Variants in ATP5F1A observed in about 807,000 individuals in gnomAD.
The protein encoded by ATP5F1A is ATP synthase F(1) complex subunit alpha, mitochondrial.
In ATP5F1A, 24 loss-of-function variants were observed where a neutral mutation model predicts 57.4. That is an observed-to-expected ratio of 0.42 (90% CI 0.30 to 0.59). The LOEUF is 0.59. Among genes scored for constraint, ATP5F1A ranks in the 20% least tolerant of loss-of-function variants. The probability of loss-of-function intolerance (pLI) is 0.19; values close to 1 mark genes in which losing one functional copy is unlikely to be tolerated. For missense variants in ATP5F1A, 494 were observed against 707.9 expected, an observed-to-expected ratio of 0.70 and a Z score of 3.43; for synonymous variants, 251 against 255.5, an observed-to-expected ratio of 0.98 and a Z score of 0.17.
intron 1 of ATP5F1A, among the ~76,000 whole-genome samples, chr18:46,095,959 G>T (rs1910917615): frequency 6.6e-6 from 1 of 151,846 alleles, no homozygotes; most frequent in African/African-American, 2.4e-5. Flanking sequence ...CACGATCTTG[G>T]CTCATTGCAA....
chr18:46,098,309 A>G (rs1185393172), upstream of ATP5F1A: 1 of 1,513,770 alleles, frequency 6.6e-7, no homozygotes, highest in African/African-American at 1.4e-5. Flanking sequence ...CGAGCCGCAA[A>G]GAAGGTCAAG....
At chr18:46,092,708 T>G (rs1910656729) in intron 2 of ATP5F1A, among the ~76,000 whole-genome samples, 1 of 151,490 alleles carries the variant, frequency 6.6e-6, no homozygotes, top group Admixed American at 6.6e-5. Context: ...GAAAAAAAAG[T>G]CCACACAAAA....
chr18:46,094,170 C>T (rs1910769766), intron 2 of ATP5F1A, among the ~76,000 whole-genome samples: 1 of 143,832 alleles, frequency 7.0e-6, no homozygotes, highest in Non-Finnish European at 1.5e-5. Flanking sequence ...CACATACACA[C>T]ACACACACAC....
At chr18:46,099,676 T>C (rs1599796850), upstream of ATP5F1A, among the ~76,000 whole-genome samples, 1 of 151,998 alleles carries the variant, frequency 6.6e-6, no homozygotes, top group African/African-American at 2.4e-5. Flanking sequence ...CCCAGGCTGG[T>C]CTCGAACTCC....
chr18:46,087,874 C>A, intron 6 of ATP5F1A: 1 of 510,610 alleles, frequency 2.0e-6, no homozygotes, highest in Non-Finnish European at 3.4e-6. Context: ...GAGTGAAACT[C>A]CGTCTCAAAC....
Position 46,084,350 on chromosome 18 carries a change from T to G in ATP5F1A, c.1594A>C (p.Ile532Leu). 6.2e-7 allele frequency: 1 copy of G among 1,613,362 alleles called. No homozygotes were observed. Among genetic ancestry groups the G allele is most frequent in the Non-Finnish European group, 8.5e-7 (1 of 1,179,848 alleles). ...AGCTTTGCATCTGATTGTTCTGAGA[T>G]CTTTCCATCAGCCCTATTTGGAAAT... ...LLGTIRADGK[I>L]SEQSDAKLKE... Residue 532 changes from isoleucine (I) to leucine (L), a missense_variant, in exon 12 of 12, where the codon ATC (isoleucine) becomes CTC (leucine). Around this residue, in one of 6 missense-constraint regions of ATP5F1A, gnomAD observed 127 missense variants for 195.2 expected, o/e 0.65. Transcript: ENST00000398752.
chr18:46,082,848 A>G lies in ATP5F1A; in HGVS notation c.*1434T>C, dbSNP rs1909840162. On this transcript the variant is annotated 3_prime_UTR_variant, in exon 12 of 12. Transcript: ENST00000398752. ...GGCAGACCACGAGGTCAGGAGCTCA[A>G]GAGCAGCATGGCCAACATGGTGAAA... 6.6e-6 allele frequency: 1 copy of G among 151,650 alleles called. No individual in the cohort carries two copies. Among genetic ancestry groups the G allele is most frequent in the African/African-American group, 2.4e-5 (1 of 41,248 alleles). 9.4% of individuals were successfully genotyped at this position (151,650 alleles called of 1,614,324 possible). A position where few individuals can be genotyped will look rare whatever the true frequency, so the allele number is the denominator to read the frequency against.
chr18:46,086,257 C>T lies in ATP5F1A; in HGVS notation c.1285G>A (p.Val429Ile), dbSNP rs890944390. 3 of 1,613,732 alleles carry T rather than the reference C, an allele frequency of 1.9e-6. No individual in the cohort carries two copies. The highest frequency in any genetic ancestry group is 2.5e-6 in the Non-Finnish European group (3 of 1,179,966). Residue 429 changes from valine to isoleucine, a missense_variant and splice_region_variant, in exon 10 of 12, where the codon GTA becomes ATA. Val to Ile is a conservative substitution (Grantham distance 29). This residue lies in a region of ATP5F1A where 127 missense variants were observed against 195.2 expected (regional missense o/e 0.65). Transcript: ENST00000398752. Reference protein sequence around the residue: ...SAAQTRAMKQVAGTMKLELAQ... With the variant: ...SAAQTRAMKQIAGTMKLELAQ... ...AATTCCAGCTTCATGGTACCTGCTA[C>T]CTGCAATACAGAAATTACTGTACTG... is the stretch of plus-strand genomic sequence containing the variant.
upstream of ATP5F1A, among the ~76,000 whole-genome samples, chr18:46,099,078 A>C (rs1418171621): frequency 2.0e-5 from 3 of 152,184 alleles, no homozygotes; most frequent in Non-Finnish European, 4.4e-5. Flanking sequence ...CGTCCTGGAC[A>C]TGTATTCCGG....
chr18:46,100,814 T>C (rs1160843056), upstream of ATP5F1A, among the ~76,000 whole-genome samples: 2 of 152,230 alleles, frequency 1.3e-5, no homozygotes, highest in African/African-American at 4.8e-5. Flanking sequence ...GGCTCACGCC[T>C]GTAATCCCAG....
chr18:46,087,038 T>C lies in ATP5F1A; in HGVS notation c.1146A>G (p.Pro382=), dbSNP rs775653500. ...TQAGDVSAYI[P]TNVISITDGQ... ...CGTCAGTGATGGAAATGACATTTGT[T>C]GGAATGTAAGCAGACACATCACCAG... The change falls in exon 8 of 12, where the codon CCA becomes CCG. Residue 382 remains proline (P), a synonymous_variant. Transcript: ENST00000398752. The C allele has an allele frequency of 3.9e-5, 63 of 1,613,868 alleles. No individual in the cohort carries two copies. Among genetic ancestry groups the C allele is most frequent in the Non-Finnish European group, 5.3e-5 (62 of 1,179,886 alleles).
At position 46,081,151 on chromosome 18, in the gene ATP5F1A, AAAT is replaced by A. The variant is rs1909719391; in HGVS notation, c.*3128_*3130del. 1 of 135,720 alleles carries A rather than the reference AAAT, an allele frequency of 7.4e-6. No homozygotes were observed. The highest frequency in any genetic ancestry group is 1.6e-5 in the Non-Finnish European group (1 of 61,548). The allele number at this position is 135,720 out of a possible 1,614,324, so 8.4% of individuals were successfully genotyped here. On this transcript the variant is annotated 3_prime_UTR_variant, in exon 12 of 12. Transcript: ENST00000398752. ...GTCTCAAAAAAAAAAAAAAAAAAAA[AAAT>A]CTCATCAGACCAGACCAGTAGTTAA...
chr18:46,095,307 T>G (rs1056940055), intron 1 of ATP5F1A, among the ~76,000 whole-genome samples, 176 bp from the exon 2 acceptor site: 5 of 152,164 alleles, frequency 3.3e-5, no homozygotes. Flanking sequence ...TGTGAAAACC[T>G]TTTATACAGC....
rs73953979 is a variant in ATP5F1A, at chr18:46,084,481, G to T, written c.1580+23C>A. 8.8e-4 allele frequency: 1,394 copies of T among 1,577,770 alleles called. 8 individuals carry two copies. In the African/African-American group the frequency reaches 0.017, roughly 19 times the overall value. On this transcript the variant is annotated intron_variant, in intron 11 of 11. Transcript: ENST00000398752. ...TATCTTAAACATAACTTTAAAAAAA[G>T]ATGCCAACAATTGCATTCATACCTG... is the stretch of plus-strand genomic sequence containing the variant.
Position 46,094,971 on chromosome 18 carries a change from AC to A in ATP5F1A, c.139+81del, listed in dbSNP as rs777561696. On this transcript the variant is annotated intron_variant, in intron 2 of 11. Coordinates refer to ENST00000398752, the MANE Select transcript of ATP5F1A (RefSeq NM_004046.6). ...TAGAGAAAAAACTAACAAATGAAAA[AC>A]AACTCACCACAGTTATACGATGTAT... The A allele has an allele frequency of 2.1e-6, 3 of 1,440,282 alleles. No homozygotes were observed. In the African/African-American group the frequency reaches 4.3e-5, roughly 21 times the overall value. 89.2% of individuals were successfully genotyped at this position (1,440,282 alleles called of 1,614,324 possible). A position where few individuals can be genotyped will look rare whatever the true frequency, so the allele number is the denominator to read the frequency against.
intron 8 of ATP5F1A, 82 bp from the exon 9 acceptor site, chr18:46,086,576 A>T: frequency 7.5e-7 from 1 of 1,338,362 alleles, no homozygotes; most frequent in South Asian, 1.3e-5. Flanking sequence ...TATGCCAAAA[A>T]GCTGAAACTC....
upstream of ATP5F1A, chr18:46,098,350 C>T (rs1911138875): frequency 7.3e-7 from 1 of 1,371,580 alleles, no homozygotes; most frequent in Non-Finnish European, 9.5e-7. Context: ...GGAAGTACTG[C>T]CCCTCGCGTT....
At chr18:46,093,371 GAA>G (rs546053935) in intron 2 of ATP5F1A, 6 of 123,866 alleles carry the variant, frequency 4.8e-5, no homozygotes, top group Non-Finnish European at 1.0e-4. Flanking sequence ...CTCTACTAAG[GAA>G]AAAAAAAAAA....
At position 46,095,033 on chromosome 18, in the gene ATP5F1A, A is replaced by G; in HGVS notation, c.139+20T>C. ...TCTTCATCTAGTAAGTGCGGCGTAG[A>G]CTGAGAAATAATAACTTACCAGTCT... On this transcript the variant is annotated intron_variant, in intron 2 of 11. Transcript: ENST00000398752. The G allele has an allele frequency of 3.7e-6, 6 of 1,606,222 alleles. No individual in the cohort carries two copies. Among genetic ancestry groups the G allele is most frequent in the Non-Finnish European group, 4.3e-6 (5 of 1,176,410 alleles).
Sources: allele counts gnomAD v4.1 joint callset (sites outside exome capture counted in the v4.1 genomes callset), GRCh38; gene constraint gnomAD v4.1.1; regional missense constraint gnomAD v4.1.1; transcripts MANE v1.5; gene names NCBI Gene and HGNC (gene_info 2026-07-23, HGNC 2026-07-21).